Variants in MAP7 observed in about 807,000 individuals in gnomAD.
MAP7 encodes the protein microtubule associated protein 7, also known as ensconsin.
A neutral mutation model predicts 94.8 loss-of-function variants in MAP7; 52 were observed. That is an observed-to-expected ratio of 0.55 (90% CI 0.44 to 0.69). MAP7 has a LOEUF of 0.69. Ranked by LOEUF, MAP7 falls within the 30% of genes least tolerant of loss-of-function variation. MAP7 has a pLI of 0.00. For synonymous variants in MAP7, 350 were observed against 357.0 expected, an observed-to-expected ratio of 0.98 and a Z score of 0.22; for missense variants, 940 against 964.6, an observed-to-expected ratio of 0.97 and a Z score of 0.34.
chr6:136,403,213 G>T (rs1037291115), intron 3 of MAP7, among the ~76,000 whole-genome samples: 1 of 152,088 alleles, frequency 6.6e-6, no homozygotes, highest in African/African-American at 2.4e-5. Flanking sequence ...CTAATTCCAG[G>T]AATCTAAGTC....
chr6:136,357,117 C>T (rs930584983), intron 15 of MAP7, among the ~76,000 whole-genome samples: 4 of 152,202 alleles, frequency 2.6e-5, no homozygotes, highest in African/African-American at 9.6e-5. Context: ...ACCAAAGCAA[C>T]TGATAAAGAT....
intron 1 of MAP7, among the ~76,000 whole-genome samples, chr6:136,443,699 C>T (rs542428885): frequency 1.3e-5 from 2 of 152,244 alleles, no homozygotes; most frequent in South Asian, 2.1e-4. Context: ...ATGCGCCCAC[C>T]TTGGCCTCCC....
rs1829009816 is a variant in MAP7, at chr6:136,537,875, CT to C, written c.67+12466del. 2.0e-5 allele frequency among the ~76,000 whole-genome samples: 3 copies of C among 151,844 alleles called. No homozygotes were observed. In the South Asian group the frequency reaches 6.2e-4, roughly 32 times the overall value. ...CAATCTCGGCTCACCGCACCTTCCT[CT>C]TTTCAAGCGATTCTCCTGCCTCAGC... On this transcript the variant is annotated intron_variant, in intron 1 of 17. Coordinates refer to ENST00000354570, the MANE Select transcript of MAP7 (RefSeq NM_003980.6).
At position 136,508,519 on chromosome 6, in the gene MAP7, A is replaced by G. The variant is rs116551779; in HGVS notation, c.67+41823T>C. 2.0e-3 allele frequency among the ~76,000 whole-genome samples: 310 copies of G among 152,298 alleles called. 2 individuals carry two copies. The highest frequency in any genetic ancestry group is 7.1e-3 in the African/African-American group (297 of 41,566). ...TCAAGCATTCTGAATTTGGACACCA[A>G]TACTTTTTGTGAGCCTAACTGTCCC... On this transcript the variant is annotated intron_variant, in intron 1 of 17. Transcript: ENST00000354570.
intron 7 of MAP7, 73 bp from the exon 8 acceptor site, chr6:136,372,698 T>A (rs758090516): frequency 6.2e-7 from 1 of 1,601,636 alleles, no homozygotes; most frequent in Non-Finnish European, 8.5e-7. Flanking sequence ...AGAGGAGCAG[T>A]TGAAGAAAGC....
At position 136,344,724 on chromosome 6, in the gene MAP7, A is replaced by G. The variant is rs57327824; in HGVS notation, c.2240-486T>C. 9.0e-3 allele frequency among the ~76,000 whole-genome samples: 1,374 copies of G among 152,330 alleles called. 61 individuals carry two copies. In the East Asian group the frequency reaches 0.14, roughly 15 times the overall value. ...AGGCTTAAGAATCAGAAAGTCAGAC[A>G]GGGGAGGGCCCTTACAACCTCCCTT... On this transcript the variant is annotated intron_variant, in intron 17 of 17. Transcript: ENST00000354570.
At chr6:136,432,008 G>A (rs1457847319) in intron 1 of MAP7, among the ~76,000 whole-genome samples, 1 of 152,100 alleles carries the variant, frequency 6.6e-6, no homozygotes, top group African/African-American at 2.4e-5. Flanking sequence ...GATGCTTAAG[G>A]CAGAGCATCT....
chr6:136,481,246 T>C (rs1481187358), intron 1 of MAP7, among the ~76,000 whole-genome samples: 1 of 152,218 alleles, frequency 6.6e-6, no homozygotes, highest in Non-Finnish European at 1.5e-5. Flanking sequence ...AACTACCATA[T>C]GATCCTAGAA....
At chr6:136,421,426 T>C (rs982427725) in intron 2 of MAP7, among the ~76,000 whole-genome samples, 4 of 152,220 alleles carry the variant, frequency 2.6e-5, no homozygotes, top group African/African-American at 7.2e-5. Context: ...ATCTCATTGA[T>C]TGTCAAAATG....
At chr6:136,360,333 A>T (rs1792214402) in intron 13 of MAP7, among the ~76,000 whole-genome samples, 1 of 151,998 alleles carries the variant, frequency 6.6e-6, no homozygotes, top group Non-Finnish European at 1.5e-5. Context: ...TTTAGTAAAG[A>T]CAGGGTTTCA....
chr6:136,351,236 T>TAAA (rs534706295), intron 16 of MAP7, among the ~76,000 whole-genome samples: 7 of 120,236 alleles, frequency 5.8e-5, no homozygotes, highest in Admixed American at 4.1e-4. Context: ...GTTTTGATGG[T>TAAA]AAAAAAAAAA....
intron 2 of MAP7, chr6:136,420,500 G>A (rs1236888427): frequency 5.6e-6 from 2 of 359,512 alleles, no homozygotes; most frequent in Non-Finnish European, 1.0e-5. Context: ...AGGTCCACTA[G>A]AATAAGCTGC....
chr6:136,373,842 T>G (rs1039323857), intron 7 of MAP7, among the ~76,000 whole-genome samples: 2 of 152,224 alleles, frequency 1.3e-5, no homozygotes, highest in Non-Finnish European at 2.9e-5. Context: ...TTCAGGATTA[T>G]AGAGTTGAAA....
At chr6:136,391,748 C>T (rs1414999403) in intron 3 of MAP7, among the ~76,000 whole-genome samples, 2 of 149,780 alleles carry the variant, frequency 1.3e-5, no homozygotes, top group African/African-American at 2.5e-5. Flanking sequence ...ACTGTGAGAA[C>T]ACACTTTAAA....
At chr6:136,356,337 A>ATT (rs35928579) in intron 16 of MAP7, among the ~76,000 whole-genome samples, 2 of 150,520 alleles carry the variant, frequency 1.3e-5, no homozygotes, top group Admixed American at 6.6e-5. Flanking sequence ...TAGTTTTGCT[A>ATT]TTTTTTTTTG....
chr6:136,478,979 C>CAAAAAAAAAAAAAAA (rs59319740), intron 1 of MAP7, among the ~76,000 whole-genome samples: 3 of 45,554 alleles, frequency 6.6e-5, no homozygotes, highest in African/African-American at 1.1e-4. Context: ...ACAGACACAT[C>CAAAAAAAAAAAAAAA]AAAAAAAAAA....
chr6:136,388,639 C>T, intron 4 of MAP7, 129 bp from the exon 5 acceptor site: 1 of 707,546 alleles, frequency 1.4e-6, no homozygotes, highest in South Asian at 1.8e-5. Flanking sequence ...TCTAGCTGAA[C>T]TTCTATACCA....
chr6:136,377,713 G>C (rs1776595709), intron 7 of MAP7, 42 bp downstream of exon 7: 1 of 1,425,184 alleles, frequency 7.0e-7, no homozygotes, highest in East Asian at 2.3e-5. Flanking sequence ...TTCAAAGGGA[G>C]GACTTGACCT....
At chr6:136,401,642 G>A (rs1784113187) in intron 3 of MAP7, among the ~76,000 whole-genome samples, 1 of 152,124 alleles carries the variant, frequency 6.6e-6, no homozygotes, top group Non-Finnish European at 1.5e-5. Context: ...GGGGTGGGAG[G>A]AGGGGAGAGG....
Sources: allele counts gnomAD v4.1 joint callset (sites outside exome capture counted in the v4.1 genomes callset), GRCh38; gene constraint gnomAD v4.1.1; transcripts MANE v1.5; gene names NCBI Gene and HGNC (gene_info 2026-07-23, HGNC 2026-07-21).